RANBP2: variants seen among roughly 807,000 people sequenced by gnomAD.
RANBP2 encodes RAN binding protein 2, also known as E3 SUMO-protein ligase RanBP2.
Under a neutral mutation model 303.6 loss-of-function variants are expected in RANBP2, and 57 were observed. The observed-to-expected ratio is 0.19, with a 90% CI of 0.15 to 0.23. The LOEUF is 0.23. RANBP2 is among the 10% of genes least tolerant of loss of function. The pLI is 1.00. For missense variants in RANBP2, 3,138 were observed against 3,780.8 expected (o/e 0.83, Z 4.46); for synonymous variants, 1,167 against 1,301.5 (o/e 0.90, Z 2.23).
At chr2:109,523,153 A>T in the RANBP2 span, among the ~76,000 whole-genome samples, 2 of 152,150 alleles carry the variant, frequency 1.3e-5, no homozygotes, top group East Asian at 1.9e-4. Context: ...CTCCTTCCAC[A>T]GGGCCCCAAG....
the RANBP2 span, among the ~76,000 whole-genome samples, chr2:109,625,087 C>CAAAAAAAAAAAAAAAAAAAA: frequency 1.7e-4 from 10 of 60,086 alleles, no homozygotes; most frequent in South Asian, 1.3e-3. Flanking sequence ...ACAACAACAA[C>CAAAAAAAAAAAAAAAAAAAA]AAAAAAAAAA....
the RANBP2 span, among the ~76,000 whole-genome samples, chr2:109,442,934 CAAAA>C: frequency 3.0e-4 from 45 of 152,218 alleles, 1 homozygote; most frequent in Middle Eastern, 3.4e-3. Flanking sequence ...TAAAAACAAA[CAAAA>C]AACCAACGAT....
chr2:108,748,185 G>A (rs1364512242), intron 8 of RANBP2, among the ~76,000 whole-genome samples: 3 of 151,786 alleles, frequency 2.0e-5, no homozygotes, highest in Non-Finnish European at 4.4e-5. Flanking sequence ...AAAAAACTCT[G>A]GGAACGAGGC....
the RANBP2 span, among the ~76,000 whole-genome samples, chr2:109,112,766 G>T: frequency 8.5e-5 from 13 of 152,130 alleles, no homozygotes; most frequent in Non-Finnish European, 1.8e-4. Context: ...TATGGTTTTA[G>T]GTCTAATATT....
the RANBP2 span, among the ~76,000 whole-genome samples, chr2:108,988,108 C>T: frequency 6.6e-6 from 1 of 152,338 alleles, no homozygotes; most frequent in East Asian, 1.9e-4. Context: ...GCGTGTACCC[C>T]TGGCTGTGTG....
the RANBP2 span, chr2:109,128,835 G>A: frequency 4.1e-6 from 1 of 242,286 alleles, no homozygotes; most frequent in Non-Finnish European, 8.5e-6. Context: ...GGCCAAGCCT[G>A]CGCAGGAGAG....
the RANBP2 span, among the ~76,000 whole-genome samples, chr2:108,792,115 G>C: frequency 1.8e-3 from 273 of 152,264 alleles, no homozygotes; most frequent in African/African-American, 6.2e-3. Context: ...TTGAAGTATG[G>C]ATTTCTGGGC....
At chr2:109,410,550 G>T in the RANBP2 span, among the ~76,000 whole-genome samples, 8 of 152,318 alleles carry the variant, frequency 5.3e-5, no homozygotes, top group Non-Finnish European at 1.2e-4. Context: ...GCACTACTGG[G>T]CTCATGTGAA....
At chr2:109,309,343 T>G in the RANBP2 span, among the ~76,000 whole-genome samples, 9 of 150,688 alleles carry the variant, frequency 6.0e-5, no homozygotes, top group African/African-American at 2.0e-4. Context: ...AAAGAGCTCC[T>G]GAAGGAAGCG....
chr2:109,241,164 C>T, the RANBP2 span, among the ~76,000 whole-genome samples: 5,892 of 152,138 alleles, frequency 0.039, 167 homozygotes, highest in Middle Eastern at 0.12. Context: ...AAGAAGAGAG[C>T]GAAATAAGTT....
rs1695516599 is a variant in RANBP2, at chr2:108,735,635, G to A, written c.509G>A (p.Arg170Gln). 1.3e-6 allele frequency: 2 copies of A among 1,597,562 alleles called. No individual in the cohort carries two copies. The highest frequency in any genetic ancestry group is 1.7e-6 in the Non-Finnish European group (2 of 1,179,778). Reference sequence around the variant, plus strand: ...CCTGATGACGTCCATGTGAACATCCGGCTAGTGGAGGTGTATCGCTCAACT... The same window carrying A: ...CCTGATGACGTCCATGTGAACATCCAGCTAGTGGAGGTGTATCGCTCAACT... ...VRPDDVHVNI[R>Q]LVEVYRSTKR... The change falls in exon 5 of 29, where the codon CGG becomes CAG. Residue 170 changes from arginine to glutamine, a missense_variant. Around this residue, in one of 20 missense-constraint regions of RANBP2, gnomAD observed 306 missense variants for 381.9 expected, o/e 0.80. Coordinates refer to ENST00000283195, the MANE Select transcript of RANBP2 (RefSeq NM_006267.5).
At chr2:109,262,701 T>C in the RANBP2 span, among the ~76,000 whole-genome samples, 32 of 152,262 alleles carry the variant, frequency 2.1e-4, no homozygotes, top group Admixed American at 3.9e-4. Flanking sequence ...TATCAGGAGA[T>C]AATTCTTTAT....
At chr2:109,031,199 C>G in the RANBP2 span, among the ~76,000 whole-genome samples, 1 of 152,096 alleles carries the variant, frequency 6.6e-6, no homozygotes, top group Non-Finnish European at 1.5e-5. Context: ...TCCTTTTCAC[C>G]GTGCTGGAGG....
the RANBP2 span, among the ~76,000 whole-genome samples, chr2:108,968,744 C>T: frequency 1.3e-5 from 2 of 152,156 alleles, no homozygotes; most frequent in East Asian, 3.9e-4. Context: ...AAAAAGCCAT[C>T]GAACACTAGG....
At chr2:109,532,516 C>T in the RANBP2 span, among the ~76,000 whole-genome samples, 3 of 152,110 alleles carry the variant, frequency 2.0e-5, no homozygotes, top group African/African-American at 2.4e-5. Flanking sequence ...TAAAATCTCA[C>T]GGGGAGCACA....
the RANBP2 span, among the ~76,000 whole-genome samples, chr2:109,728,974 G>T: frequency 6.6e-6 from 1 of 152,116 alleles, no homozygotes; most frequent in African/African-American, 2.4e-5. Flanking sequence ...TGTAGTAAAA[G>T]GATTAAAAAA....
chr2:109,590,327 C>T, the RANBP2 span, among the ~76,000 whole-genome samples: 30 of 152,114 alleles, frequency 2.0e-4, no homozygotes, highest in Middle Eastern at 3.4e-3. Context: ...ACCTAGGTGT[C>T]TCTGAGAAGA....
chr2:109,251,096 G>A, the RANBP2 span, among the ~76,000 whole-genome samples: 3 of 152,070 alleles, frequency 2.0e-5, no homozygotes, highest in East Asian at 3.9e-4. Flanking sequence ...CTGCCTCCTA[G>A]GTTCAAGTGA....
intron 20 of RANBP2, among the ~76,000 whole-genome samples, chr2:108,771,143 A>G (rs1677468871): frequency 6.6e-6 from 1 of 151,428 alleles, no homozygotes. Flanking sequence ...CTATAGAGTC[A>G]CAGTTGTTAT....
Sources: allele counts gnomAD v4.1 joint callset (sites outside exome capture counted in the v4.1 genomes callset), GRCh38; gene constraint gnomAD v4.1.1; regional missense constraint gnomAD v4.1.1; transcripts MANE v1.5; gene names NCBI Gene and HGNC (gene_info 2026-07-23, HGNC 2026-07-21).